NRG3: variants seen among roughly 807,000 people sequenced by gnomAD.
The protein encoded by NRG3 is neuregulin 3.
A neutral mutation model predicts 66.9 loss-of-function variants in NRG3; 31 were observed. That is an observed-to-expected ratio of 0.46 (90% CI 0.35 to 0.63). The LOEUF is 0.63. NRG3 is among the 20% of genes least tolerant of loss of function. The probability of loss-of-function intolerance (pLI) is 0.00; values close to 1 mark genes in which losing one functional copy is unlikely to be tolerated. For synonymous variants in NRG3, 393 were observed against 359.4 expected, an observed-to-expected ratio of 1.09 and a Z score of -1.06; for missense variants, 910 against 878.9, an observed-to-expected ratio of 1.04 and a Z score of -0.45.
chr10:82,085,841 G>C (rs1178624849), intron 1 of NRG3, among the ~76,000 whole-genome samples: 2 of 151,908 alleles, frequency 1.3e-5, no homozygotes, highest in African/African-American at 2.4e-5. Context: ...GTTTCACCAT[G>C]TTGGCCAGGC....
intron 1 of NRG3, among the ~76,000 whole-genome samples, chr10:82,151,421 A>G (rs893819136): frequency 1.3e-5 from 2 of 152,218 alleles, no homozygotes; most frequent in African/African-American, 4.8e-5. Flanking sequence ...CTAGCAGAGC[A>G]CACGAGGATG....
At chr10:82,334,701 G>A (rs2082301292) in intron 1 of NRG3, among the ~76,000 whole-genome samples, 1 of 152,198 alleles carries the variant, frequency 6.6e-6, no homozygotes, top group Non-Finnish European at 1.5e-5. Flanking sequence ...TGATAGGTGA[G>A]TGTGTGCTGC....
intron 2 of NRG3, among the ~76,000 whole-genome samples, chr10:82,371,185 T>C (rs2084867166): frequency 6.6e-6 from 1 of 152,112 alleles, no homozygotes; most frequent in Non-Finnish European, 1.5e-5. Flanking sequence ...TTTGGGATTA[T>C]AGGGAAACGC....
chr10:82,199,652 A>G (rs376714239), intron 1 of NRG3, among the ~76,000 whole-genome samples: 4 of 152,168 alleles, frequency 2.6e-5, no homozygotes, highest in African/African-American at 7.2e-5. Flanking sequence ...GTATGGTGAC[A>G]CAATAAAGAT....
intron 2 of NRG3, among the ~76,000 whole-genome samples, chr10:82,552,617 A>G (rs1167505429): frequency 6.6e-6 from 1 of 152,198 alleles, no homozygotes; most frequent in Non-Finnish European, 1.5e-5. Flanking sequence ...TCTCTTAGCT[A>G]GATGAGATAA....
At chr10:82,028,651 C>T (rs72823902) in intron 1 of NRG3, among the ~76,000 whole-genome samples, 9 of 152,156 alleles carry the variant, frequency 5.9e-5, no homozygotes, top group Non-Finnish European at 1.3e-4. Flanking sequence ...CAGATCAGCA[C>T]ACATCTTTAC....
At chr10:82,851,442 GTCT>G (rs1341507934) in intron 3 of NRG3, among the ~76,000 whole-genome samples, 1 of 152,140 alleles carries the variant, frequency 6.6e-6, no homozygotes, top group Non-Finnish European at 1.5e-5. Context: ...ATTGCTGAAG[GTCT>G]TCTCCCAGAC....
chr10:82,587,230 G>A (rs1431990814), intron 2 of NRG3, among the ~76,000 whole-genome samples: 3 of 151,986 alleles, frequency 2.0e-5, no homozygotes, highest in African/African-American at 7.3e-5. Context: ...TAGTCATTAA[G>A]GATATTCATT....
chr10:82,715,404 A>G (rs973881135), intron 2 of NRG3, among the ~76,000 whole-genome samples: 1 of 152,134 alleles, frequency 6.6e-6, no homozygotes, highest in Non-Finnish European at 1.5e-5. Flanking sequence ...AATCTCAACT[A>G]CTTTCAGTGG....
intron 1 of NRG3, among the ~76,000 whole-genome samples, chr10:82,057,163 T>C (rs746907464): frequency 3.9e-5 from 6 of 152,180 alleles, no homozygotes; most frequent in Non-Finnish European, 8.8e-5. Context: ...TCATTTCTTG[T>C]ATTTTCTTCA....
chr10:81,968,941 T>A (rs1329075860), intron 1 of NRG3, among the ~76,000 whole-genome samples: 1 of 152,158 alleles, frequency 6.6e-6, no homozygotes, highest in Non-Finnish European at 1.5e-5. Flanking sequence ...TTGTTAGGTC[T>A]AGAGTGCAGA....
Position 82,680,122 on chromosome 10 carries a change from AT to A in NRG3, c.954-58453del, listed in dbSNP as rs533040039. On this transcript the variant is annotated intron_variant, in intron 2 of 8. Transcript: ENST00000372141. ...ACACTATTCTAAGCCCTTTACTTAT[AT>A]TAACATCATATAACTGTTAATACCA... Among the ~76,000 whole-genome samples, 29 of 152,316 alleles carry A rather than the reference AT, an allele frequency of 1.9e-4. No individual in the cohort carries two copies. In the South Asian group the frequency reaches 5.0e-3, roughly 26 times the overall value.
At chr10:82,978,173 G>A (rs941572050) in intron 7 of NRG3, among the ~76,000 whole-genome samples, 1 of 152,116 alleles carries the variant, frequency 6.6e-6, no homozygotes, top group Admixed American at 6.6e-5. Context: ...TATGGAACAG[G>A]TAATGAGTCT....
intron 3 of NRG3, among the ~76,000 whole-genome samples, chr10:82,746,748 T>G (rs2058662088): frequency 1.3e-5 from 2 of 152,236 alleles, no homozygotes; most frequent in South Asian, 4.2e-4. Flanking sequence ...TACCAGAAAT[T>G]AAATATTCAT....
At chr10:82,978,849 G>C (rs1039384781) in intron 7 of NRG3, 101 bp from the exon 8 acceptor site, 1 of 1,215,674 alleles carries the variant, frequency 8.2e-7, no homozygotes, top group East Asian at 2.5e-5. Flanking sequence ...AGAATTTGGG[G>C]TGCAGATTCA....
At chr10:82,881,779 G>A (rs2136063931) in intron 4 of NRG3, among the ~76,000 whole-genome samples, 1 of 152,250 alleles carries the variant, frequency 6.6e-6, no homozygotes, top group African/African-American at 2.4e-5. Context: ...TATAAAGATT[G>A]ATGATGTAAC....
chr10:82,572,596 TTG>T (rs3040192), intron 2 of NRG3, among the ~76,000 whole-genome samples: 12,714 of 151,536 alleles, frequency 0.084, 615 homozygotes, highest in East Asian at 0.14. Flanking sequence ...GTGGTTTTTT[TTG>T]TGTGTGTGTG....
intron 2 of NRG3, among the ~76,000 whole-genome samples, chr10:82,447,205 T>C (rs1228363638): frequency 6.6e-6 from 1 of 152,244 alleles, no homozygotes; most frequent in Non-Finnish European, 1.5e-5. Context: ...TTATGGTAAA[T>C]GCAGAGTGCC....
intron 3 of NRG3, among the ~76,000 whole-genome samples, chr10:82,800,095 G>A (rs1043837310): frequency 6.6e-5 from 10 of 151,910 alleles, no homozygotes; most frequent in Admixed American, 6.6e-4. Flanking sequence ...TGGATTTATA[G>A]CCGGTTTCTG....
Sources: allele counts gnomAD v4.1 joint callset (sites outside exome capture counted in the v4.1 genomes callset), GRCh38; gene constraint gnomAD v4.1.1; transcripts MANE v1.5; gene names NCBI Gene and HGNC (gene_info 2026-07-23, HGNC 2026-07-21).